CSMD1: variants seen among roughly 807,000 people sequenced by gnomAD.
CSMD1 encodes the protein CUB and sushi domain-containing protein 1.
In CSMD1, 213 loss-of-function variants were observed where a neutral mutation model predicts 417.5. That is an observed-to-expected ratio of 0.51 (90% CI 0.46 to 0.57). CSMD1 has a LOEUF of 0.57. Among genes scored for constraint, CSMD1 ranks in the 20% least tolerant of loss-of-function variants. CSMD1 has a pLI of 0.00. For missense variants in CSMD1, 6,923 were observed against 4,529.7 expected (o/e 1.53, Z -15.17); for synonymous variants, 2,862 against 1,736.8 (o/e 1.65, Z -16.11).
intron 50 of CSMD1, among the ~76,000 whole-genome samples, chr8:3,039,854 T>G (rs1448658152): frequency 2.0e-5 from 3 of 152,172 alleles, no homozygotes; most frequent in African/African-American, 7.2e-5. Context: ...TTGCCAAATA[T>G]CAGCATTCAT....
intron 3 of CSMD1, among the ~76,000 whole-genome samples, chr8:4,394,007 T>G (rs985351801): frequency 6.6e-5 from 10 of 152,220 alleles, no homozygotes; most frequent in Non-Finnish European, 1.2e-4. Context: ...AACACATATA[T>G]AGCATGGCTG....
At chr8:4,342,227 GTGTGTC>G (rs1387253941) in intron 3 of CSMD1, among the ~76,000 whole-genome samples, 15 of 11,072 alleles carry the variant, frequency 1.4e-3, no homozygotes, top group Non-Finnish European at 2.8e-3. Flanking sequence ...GTGTGTGTGT[GTGTGTC>G]TGTGTGTGTG....
chr8:3,452,448 T>C (rs1046098830), intron 12 of CSMD1, among the ~76,000 whole-genome samples: 1 of 152,188 alleles, frequency 6.6e-6, no homozygotes, highest in African/African-American at 2.4e-5. Flanking sequence ...ATATTGGCTG[T>C]GGGTTTGTCA....
At chr8:3,037,441 C>A (rs181370666) in intron 50 of CSMD1, among the ~76,000 whole-genome samples, 2 of 151,968 alleles carry the variant, frequency 1.3e-5, no homozygotes, top group African/African-American at 4.8e-5. Flanking sequence ...ATCTTCTGAC[C>A]TCGTGATCCG....
At chr8:4,342,493 A>T (rs1039956331) in intron 3 of CSMD1, among the ~76,000 whole-genome samples, 9 of 152,088 alleles carry the variant, frequency 5.9e-5, no homozygotes, top group Admixed American at 2.6e-4. Flanking sequence ...GGACTAAATC[A>T]GCCAGGGTAG....
chr8:4,331,806 T>G (rs1315940813), intron 3 of CSMD1, among the ~76,000 whole-genome samples: 1 of 152,176 alleles, frequency 6.6e-6, no homozygotes, highest in East Asian at 1.9e-4. Context: ...TCACAGTATT[T>G]TTCCTCCAAG....
intron 7 of CSMD1, 149 bp from the exon 8 acceptor site, chr8:3,616,946 A>T: frequency 2.0e-6 from 1 of 498,218 alleles, no homozygotes; most frequent in African/African-American, 1.9e-5. Flanking sequence ...AATACATTCA[A>T]ATAAGTGTTT....
chr8:4,674,513 GTAAAATCA>G (rs1805550884), intron 1 of CSMD1, among the ~76,000 whole-genome samples: 3 of 152,250 alleles, frequency 2.0e-5, no homozygotes, highest in Non-Finnish European at 4.4e-5. Context: ...TACGTACTCA[GTAAAATCA>G]GCAGGAGAGG....
At chr8:3,667,662 G>A (rs1037414682) in intron 7 of CSMD1, among the ~76,000 whole-genome samples, 1 of 152,180 alleles carries the variant, frequency 6.6e-6, no homozygotes, top group Admixed American at 6.5e-5. Flanking sequence ...GCCTTGGGGT[G>A]AAGAGCAGTT....
chr8:3,935,723 T>G (rs1264916912), intron 5 of CSMD1, among the ~76,000 whole-genome samples: 3 of 152,130 alleles, frequency 2.0e-5, no homozygotes, highest in Non-Finnish European at 4.4e-5. Context: ...TCTCTCTACC[T>G]CCTTCATTGG....
intron 7 of CSMD1, among the ~76,000 whole-genome samples, chr8:3,639,379 G>A (rs188551139): frequency 3.9e-5 from 6 of 152,320 alleles, no homozygotes; most frequent in African/African-American, 1.4e-4. Context: ...AAGTGAATGA[G>A]TGAGGGTTCA....
rs950282036 is a variant in CSMD1 at position 4,621,644 on chromosome 8, A to T, written c.302+15698T>A. ...TCACATCAAAATTACACAGTTTTAGAAACAGAGGAGAAAACAGTTCTGCTC... is the reference window on the plus strand; with the variant it reads ...TCACATCAAAATTACACAGTTTTAGTAACAGAGGAGAAAACAGTTCTGCTC... On this transcript the variant is annotated intron_variant, in intron 2 of 69. Coordinates refer to ENST00000635120, the MANE Select transcript of CSMD1 (RefSeq NM_033225.6). 2.6e-5 allele frequency among the ~76,000 whole-genome samples: 4 copies of T among 152,130 alleles called. No individual in the cohort carries two copies. The South Asian group carries it at 8.3e-4, about 32-fold the overall frequency.
At chr8:3,240,038 G>T (rs1406745224) in intron 26 of CSMD1, among the ~76,000 whole-genome samples, 1 of 152,158 alleles carries the variant, frequency 6.6e-6, no homozygotes, top group Non-Finnish European at 1.5e-5. Context: ...AGAGTGAGTT[G>T]AGCATAGTTT....
intron 3 of CSMD1, among the ~76,000 whole-genome samples, chr8:4,187,647 G>T (rs1033150463): frequency 7.6e-6 from 1 of 131,220 alleles, no homozygotes; most frequent in African/African-American, 2.9e-5. Flanking sequence ...CTGCACTCCA[G>T]CCTGGGCAAC....
intron 1 of CSMD1, among the ~76,000 whole-genome samples, chr8:4,765,317 C>T (rs1237915875): frequency 6.6e-6 from 1 of 152,182 alleles, no homozygotes; most frequent in Non-Finnish European, 1.5e-5. Context: ...GCAATCCCTT[C>T]TGTGACTGGG....
intron 3 of CSMD1, among the ~76,000 whole-genome samples, chr8:4,237,252 C>G (rs953430794): frequency 6.6e-6 from 1 of 152,078 alleles, no homozygotes; most frequent in African/African-American, 2.4e-5. Flanking sequence ...GCCCTTTGGT[C>G]CTGAAGAGAT....
intron 2 of CSMD1, among the ~76,000 whole-genome samples, chr8:4,428,516 G>C (rs893500927): frequency 1.1e-4 from 16 of 152,224 alleles, no homozygotes; most frequent in African/African-American, 3.6e-4. Flanking sequence ...CTACATGTCA[G>C]AGCAGGTATA....
chr8:4,130,837 A>G (rs1466404868), intron 3 of CSMD1, among the ~76,000 whole-genome samples: 3 of 151,430 alleles, frequency 2.0e-5, no homozygotes, highest in Non-Finnish European at 4.4e-5. Flanking sequence ...ACTATGTGCT[A>G]TATTATATAT....
chr8:4,637,641 C>T (rs1312925972), intron 1 of CSMD1, 83 bp from the exon 2 acceptor site: 2 of 458,898 alleles, frequency 4.4e-6, no homozygotes, highest in Non-Finnish European at 7.2e-6. Context: ...AACACTTTAG[C>T]CAATTTTTTT....
Sources: allele counts gnomAD v4.1 joint callset (sites outside exome capture counted in the v4.1 genomes callset), GRCh38; gene constraint gnomAD v4.1.1; transcripts MANE v1.5; gene names NCBI Gene and HGNC (gene_info 2026-07-23, HGNC 2026-07-21).